Variants in BLM observed in about 807,000 individuals in gnomAD.
BLM encodes the protein BLM RecQ like helicase, also known as recQ-like DNA helicase BLM.
A neutral mutation model predicts 135.3 loss-of-function variants in BLM; 95 were observed. The observed-to-expected ratio is 0.70, with a 90% CI of 0.59 to 0.83. The LOEUF (loss-of-function observed/expected upper bound fraction) is 0.83. Ranked by LOEUF, BLM falls within the 40% of genes least tolerant of loss-of-function variation. The pLI, the probability that BLM is intolerant of heterozygous loss-of-function variation, is 0.00. For missense variants in BLM, 1,518 were observed against 1,663.9 expected, an observed-to-expected ratio of 0.91 and a Z score of 1.53; for synonymous variants, 520 against 589.2, an observed-to-expected ratio of 0.88 and a Z score of 1.70.
chr15:90,787,767 T>C (rs1712440256), intron 14 of BLM, among the ~76,000 whole-genome samples: 1 of 152,054 alleles, frequency 6.6e-6, no homozygotes, highest in Admixed American at 6.6e-5. Context: ...CTGGCCAATA[T>C]GGTGAAACCC....
chr15:90,743,394 T>C (rs1452456956), intron 1 of BLM, among the ~76,000 whole-genome samples: 4 of 152,124 alleles, frequency 2.6e-5, no homozygotes, highest in Non-Finnish European at 4.4e-5. Flanking sequence ...AATTCATAGG[T>C]TTATTTTTTT....
Position 90,752,180 on chromosome 15 carries a change from A to ATT in BLM, c.959+248_959+249dup, listed in dbSNP as rs753796274. Among the ~76,000 whole-genome samples the ATT allele has an allele frequency of 0.04, 5,770 of 143,218 alleles. 179 individuals carry two copies. Among genetic ancestry groups the ATT allele is most frequent in the South Asian group, 0.054 (243 of 4,530 alleles). 94.0% of individuals were successfully genotyped at this position (143,218 alleles called of 152,430 possible). On this transcript the variant is annotated intron_variant, in intron 4 of 21. Coordinates refer to ENST00000355112, the MANE Select transcript of BLM (RefSeq NM_000057.4). ...AACTTCAAACAATTTTAGGTAGCTG[A>ATT]TTTTTTTTTTTTTTTGAGACAGTCT...
intron 18 of BLM, 99 bp downstream of exon 18, chr15:90,803,819 A>G: frequency 8.3e-7 from 1 of 1,200,700 alleles, no homozygotes; most frequent in East Asian, 2.4e-5. Flanking sequence ...ATAGATACTG[A>G]ATTTATATAT....
intron 15 of BLM, among the ~76,000 whole-genome samples, chr15:90,791,373 A>G (rs1596257722): frequency 1.3e-5 from 2 of 152,226 alleles, no homozygotes; most frequent in East Asian, 3.9e-4. Flanking sequence ...AAATGCACAT[A>G]TTTTAAAATG....
intron 1 of BLM, among the ~76,000 whole-genome samples, chr15:90,737,953 A>G (rs1019454483): frequency 1.3e-5 from 2 of 152,210 alleles, no homozygotes; most frequent in Admixed American, 1.3e-4. Flanking sequence ...CAAATTACTA[A>G]AATCAGAAGT....
At chr15:90,743,445 T>A (rs1895421028) in intron 1 of BLM, among the ~76,000 whole-genome samples, 1 of 152,210 alleles carries the variant, frequency 6.6e-6, no homozygotes, top group African/African-American at 2.4e-5. Flanking sequence ...TGTTCCTTTT[T>A]TTAATATTGT....
intron 1 of BLM, among the ~76,000 whole-genome samples, chr15:90,736,137 G>A (rs537171443): frequency 4.6e-5 from 7 of 152,240 alleles, no homozygotes; most frequent in Non-Finnish European, 1.0e-4. Flanking sequence ...GTGAGGCTGT[G>A]AGGAATGCAA....
chr15:90,724,248 A>G (rs1894848712), intron 1 of BLM, among the ~76,000 whole-genome samples: 1 of 152,110 alleles, frequency 6.6e-6, no homozygotes, highest in African/African-American at 2.4e-5. Flanking sequence ...CCTGGGCTCA[A>G]GCGATACTCC....
At position 90,790,526 on chromosome 15, in the gene BLM, G is replaced by C. The variant is rs1896877031; in HGVS notation, c.2824-123G>C. On this transcript the variant is annotated intron_variant, in intron 14 of 21. Transcript: ENST00000355112. ...ATAGTTGGACCAAGTTAAGATATTA[G>C]GTTGTTATGTAGTGTGCATTTTAAA... The C allele has an allele frequency of 6.7e-6, 6 of 893,356 alleles. No individual in the cohort carries two copies. In the East Asian group the frequency reaches 1.5e-4, roughly 22 times the overall value. 55.3% of individuals were successfully genotyped at this position (893,356 alleles called of 1,614,324 possible).
At chr15:90,792,455 G>A (rs548106023) in intron 15 of BLM, among the ~76,000 whole-genome samples, 1 of 151,752 alleles carries the variant, frequency 6.6e-6, no homozygotes, top group South Asian at 2.1e-4. Flanking sequence ...ATAGGAAATG[G>A]CACTTACCAA....
chr15:90,778,702 C>T (rs961851048), intron 12 of BLM, among the ~76,000 whole-genome samples: 1 of 152,132 alleles, frequency 6.6e-6, no homozygotes, highest in Non-Finnish European at 1.5e-5. Flanking sequence ...CCATTGTAGA[C>T]GTCTACGACA....
chr15:90,782,708 C>T, intron 12 of BLM, 114 bp from the exon 13 acceptor site: 1 of 788,344 alleles, frequency 1.3e-6, no homozygotes. Flanking sequence ...GCTCCAACTC[C>T]TAATACCATC....
intron 12 of BLM, among the ~76,000 whole-genome samples, chr15:90,779,518 G>A (rs534415587): frequency 3.3e-5 from 5 of 152,042 alleles, no homozygotes; most frequent in Non-Finnish European, 7.3e-5. Flanking sequence ...TGTATTCCTA[G>A]ACAATTCTTT....
At chr15:90,808,927 C>T (rs1897342725) in intron 19 of BLM, 6 of 645,376 alleles carry the variant, frequency 9.3e-6, no homozygotes, top group South Asian at 3.6e-5. Flanking sequence ...TGGCCTATGC[C>T]GCTGGAATTG....
chr15:90,775,901 C>T lies in BLM; in HGVS notation c.2555+6315C>T, dbSNP rs976784273. ...AGAGATGAGGTCTCGTTATATTGTTCGGGTTAGTCTGGAATTCCTGGCCTC... is the reference window on the plus strand; with the variant it reads ...AGAGATGAGGTCTCGTTATATTGTTTGGGTTAGTCTGGAATTCCTGGCCTC... On this transcript the variant is annotated intron_variant, in intron 12 of 21. Transcript: ENST00000355112. Among the ~76,000 whole-genome samples the T allele has an allele frequency of 2.6e-5, 4 of 152,052 alleles. 1 individual carries two copies. Among genetic ancestry groups the T allele is most frequent in the Admixed American group, 1.3e-4 (2 of 15,240 alleles).
intron 1 of BLM, among the ~76,000 whole-genome samples, chr15:90,725,747 G>C (rs183880788): frequency 1.1e-4 from 16 of 149,846 alleles, no homozygotes; most frequent in Non-Finnish European, 2.2e-4. Context: ...TCCTGACCTC[G>C]TGATCCACCC....
At position 90,770,366 on chromosome 15, in the gene BLM, C is replaced by T. The variant is rs112951361; in HGVS notation, c.2555+780C>T. 9.4e-4 allele frequency among the ~76,000 whole-genome samples: 143 copies of T among 152,136 alleles called. 1 individual carries two copies. The highest frequency in any genetic ancestry group is 3.3e-3 in the African/African-American group (135 of 41,528). ...ATTTTTTTTGTATTTTTAGTAGAGA[C>T]GGGGTGTCACTGTCTTAGCCAGGAG... On this transcript the variant is annotated intron_variant, in intron 12 of 21. Coordinates refer to ENST00000355112, the MANE Select transcript of BLM (RefSeq NM_000057.4).
At position 90,753,690 on chromosome 15, in the gene BLM, T is replaced by C. The variant is rs987938530; in HGVS notation, c.960-1121T>C. ...ATTTTATTTCAGTTTTAAAAAATAC[T>C]GGTTGTAACCTCTGAATTTCAGAAG... On this transcript the variant is annotated intron_variant, in intron 4 of 21. Coordinates refer to ENST00000355112, the MANE Select transcript of BLM (RefSeq NM_000057.4). 3.9e-5 allele frequency among the ~76,000 whole-genome samples: 6 copies of C among 152,272 alleles called. No homozygotes were observed. The South Asian group carries it at 6.2e-4, about 16-fold the overall frequency.
At chr15:90,735,364 C>A (rs980340715) in intron 1 of BLM, among the ~76,000 whole-genome samples, 1 of 149,734 alleles carries the variant, frequency 6.7e-6, no homozygotes, top group East Asian at 1.9e-4. Context: ...CAAGTTGATT[C>A]TAAAGTTCAT....
Sources: allele counts gnomAD v4.1 joint callset (sites outside exome capture counted in the v4.1 genomes callset), GRCh38; gene constraint gnomAD v4.1.1; transcripts MANE v1.5; gene names NCBI Gene and HGNC (gene_info 2026-07-23, HGNC 2026-07-21).